The following DNAH8 variants were observed in gnomAD, a reference collection of about 807,000 sequenced individuals.
DNAH8 encodes the protein dynein axonemal heavy chain 8, also known as axonemal beta dynein heavy chain 8.
In DNAH8, 382 loss-of-function variants were observed where a neutral mutation model predicts 562.1. The observed-to-expected ratio is 0.68, with a 90% CI of 0.63 to 0.74. DNAH8 has a LOEUF of 0.74. Ranked by LOEUF, DNAH8 falls within the 30% of genes least tolerant of loss-of-function variation. The probability of loss-of-function intolerance (pLI) is 0.00; values close to 1 mark genes in which losing one functional copy is unlikely to be tolerated. For synonymous variants in DNAH8, 1,881 were observed against 1,919.4 expected (o/e 0.98, Z 0.52); for missense variants, 5,203 against 5,620.4 (o/e 0.93, Z 2.37).
At chr6:38,803,157 T>C (rs1185224966) in intron 21 of DNAH8, 22 bp from the exon 22 acceptor site, 2 of 1,531,932 alleles carry the variant, frequency 1.3e-6, no homozygotes, top group Non-Finnish European at 1.8e-6. Context: ...TGGAAAATAA[T>C]AGTCATTTCT....
At chr6:38,798,609 A>G (rs925683812) in intron 21 of DNAH8, among the ~76,000 whole-genome samples, 2 of 152,232 alleles carry the variant, frequency 1.3e-5, no homozygotes, top group South Asian at 2.1e-4. Flanking sequence ...GACACAGGAC[A>G]TCTGTGCAGT....
At chr6:38,735,347 A>C (rs926606757) in intron 5 of DNAH8, among the ~76,000 whole-genome samples, 2 of 152,204 alleles carry the variant, frequency 1.3e-5, no homozygotes, top group Admixed American at 1.3e-4. Context: ...CTGTTATGAT[A>C]AAAGATTGCT....
intron 20 of DNAH8, among the ~76,000 whole-genome samples, chr6:38,790,942 T>G (rs959239801): frequency 2.0e-5 from 3 of 152,200 alleles, no homozygotes; most frequent in African/African-American, 7.2e-5. Context: ...AAATGATGGT[T>G]CAACTTCACA....
Position 38,929,689 on chromosome 6 carries a change from A to AAAG in DNAH8, c.11274+25_11274+26insGAA, listed in dbSNP as rs764087315. On this transcript the variant is annotated intron_variant, in intron 75 of 92. Transcript: ENST00000327475. The stretch of plus-strand genomic sequence containing the variant: ...AAGGTGAGCTTTGTAAAAAAAAAAA[A>AAAG]AAAGAAAGAAAGAAAGAAAAGAAAA... 1.3e-5 allele frequency: 19 copies of AAAG among 1,497,250 alleles called. No homozygotes were observed. The Admixed American group carries it at 3.0e-4, about 24-fold the overall frequency. 92.7% of individuals were successfully genotyped at this position (1,497,250 alleles called of 1,614,324 possible).
chr6:38,896,210 C>T lies in DNAH8; in HGVS notation c.8925C>T (p.Pro2975=). The T allele has an allele frequency of 6.2e-7, 1 of 1,613,098 alleles. No individual in the cohort carries two copies. Among genetic ancestry groups the T allele is most frequent in the East Asian group, 2.2e-5 (1 of 44,848 alleles). ...DEPEDSVFEV[P]KIYELMPSFD... ...CTGAAGACTCTGTGTTTGAAGTACC[C>T]AAAATATATGAATTGGTATTTATTT... Residue 2975 remains proline (P), a synonymous_variant, in exon 60 of 93, where the codon CCC becomes CCT. Transcript: ENST00000327475.
chr6:38,828,738 A>T (rs1307580232), intron 30 of DNAH8, among the ~76,000 whole-genome samples: 1 of 152,222 alleles, frequency 6.6e-6, no homozygotes. Flanking sequence ...ATTGAGATAG[A>T]ATACACATAC....
intron 12 of DNAH8, among the ~76,000 whole-genome samples, chr6:38,771,085 A>C (rs1016132273): frequency 6.6e-6 from 1 of 152,196 alleles, no homozygotes; most frequent in Non-Finnish European, 1.5e-5. Flanking sequence ...CCCATATCAG[A>C]GACTTCTTGG....
intron 88 of DNAH8, among the ~76,000 whole-genome samples, chr6:38,993,502 G>A (rs9394566): frequency 0.14 from 21,923 of 152,064 alleles, 2,129 homozygotes; most frequent in East Asian, 0.51. Context: ...TGGTTCAAAA[G>A]TTACAACTTT....
At chr6:38,816,374 A>G (rs928081570) in intron 26 of DNAH8, among the ~76,000 whole-genome samples, 1 of 152,174 alleles carries the variant, frequency 6.6e-6, no homozygotes, top group African/African-American at 2.4e-5. Context: ...GCCAAGGATA[A>G]TGGCTTCCGG....
intron 29 of DNAH8, 23 bp downstream of exon 29, chr6:38,826,414 T>G: frequency 6.8e-7 from 1 of 1,478,360 alleles, no homozygotes; most frequent in Non-Finnish European, 9.3e-7. Flanking sequence ...TGCATTTTTT[T>G]TTCTTGGAAT....
At chr6:38,741,631 C>A in intron 7 of DNAH8, 80 bp from the exon 8 acceptor site, 1 of 1,208,542 alleles carries the variant, frequency 8.3e-7, no homozygotes, top group Non-Finnish European at 1.1e-6. Flanking sequence ...ATACTTTCAG[C>A]TGCCTTCAAA....
chr6:38,883,039 C>A lies in DNAH8; in HGVS notation c.7988C>A (p.Ala2663Glu). 6.3e-7 allele frequency: 1 copy of A among 1,594,490 alleles called. No homozygotes were observed. Among genetic ancestry groups the A allele is most frequent in the Non-Finnish European group, 8.5e-7 (1 of 1,173,614 alleles). Residue 2663 changes from alanine to glutamate, a missense_variant, in exon 54 of 93, where the codon GCA becomes GAA. This residue lies in a region of DNAH8 where 977 missense variants were observed against 1,061.8 expected (regional missense o/e 0.92). Coordinates refer to ENST00000327475, the MANE Select transcript of DNAH8 (RefSeq NM_001206927.2). ...IRTNFLIDTI[A>E]KQHKAVLLTG... is the part of the protein sequence containing the mutation. ...ACAAATTTTTTGATAGACACCATTG[C>A]AAAACAACATAAAGTAAGTTTAATA...
At chr6:38,894,423 C>T (rs1779542201) in intron 58 of DNAH8, among the ~76,000 whole-genome samples, 3 of 152,162 alleles carry the variant, frequency 2.0e-5, no homozygotes, top group Admixed American at 2.0e-4. Context: ...GTGACTTGTT[C>T]AAAGCCAACT....
chr6:38,744,921 G>A (rs1764807659), intron 8 of DNAH8, among the ~76,000 whole-genome samples: 1 of 152,022 alleles, frequency 6.6e-6, no homozygotes, highest in Non-Finnish European at 1.5e-5. Context: ...TATATAATAT[G>A]GATATTAATC....
Position 38,956,964 on chromosome 6 carries a change from T to C in DNAH8, c.12451+5444T>C, listed in dbSNP as rs117671264. On this transcript the variant is annotated intron_variant, in intron 82 of 92. Transcript: ENST00000327475. ...ACAATTACCTTGAATGTAAATGGAT[T>C]AAAATCTACGATTAAGAGACACAGA... Among the ~76,000 whole-genome samples the C allele has an allele frequency of 3.9e-5, 6 of 152,344 alleles. No individual in the cohort carries two copies. In the East Asian group the frequency reaches 1.2e-3, roughly 29 times the overall value.
At position 38,898,316 on chromosome 6, in the gene DNAH8, A is replaced by T; in HGVS notation, c.8999A>T (p.Glu3000Val). The change falls in exon 61 of 93, where the codon GAA becomes GTA. Residue 3000 changes from glutamate (E) to valine (V), a missense_variant. Physicochemically the swap from Glu to Val is moderately radical, Grantham distance 121. This residue lies in a region of DNAH8 where 977 missense variants were observed against 1,061.8 expected (regional missense o/e 0.92). Transcript: ENST00000327475. Reference protein sequence around the residue: ...KLQFYQRQFNEIIRGTSLDLV... With the variant: ...KLQFYQRQFNVIIRGTSLDLV... The stretch of plus-strand genomic sequence containing the variant: ...CAGTTTTACCAGAGACAGTTCAATG[A>T]AATCATTAGAGGAACATCTCTTGAT... 6.3e-7 allele frequency: 1 copy of T among 1,590,440 alleles called. No individual in the cohort carries two copies. Among genetic ancestry groups the T allele is most frequent in the Non-Finnish European group, 8.5e-7 (1 of 1,172,346 alleles).
chr6:38,982,756 C>A (rs755683070), intron 86 of DNAH8, among the ~76,000 whole-genome samples: 6 of 152,236 alleles, frequency 3.9e-5, no homozygotes, highest in Non-Finnish European at 7.3e-5. Flanking sequence ...TCAAGCTTCT[C>A]CTCACTGGTC....
At chr6:38,870,782 G>A (rs1777411993) in intron 49 of DNAH8, among the ~76,000 whole-genome samples, 1 of 152,152 alleles carries the variant, frequency 6.6e-6, no homozygotes, top group Admixed American at 6.6e-5. Flanking sequence ...ATTTACTGCA[G>A]TTTTTACTTA....
chr6:38,803,383 AG>A, intron 22 of DNAH8, 72 bp downstream of exon 22: 3 of 1,218,814 alleles, frequency 2.5e-6, no homozygotes, highest in Non-Finnish European at 3.5e-6. Context: ...CCTTCTGCTT[AG>A]CAGGTACTGA....
Sources: gnomAD v4.1 joint callset for allele counts (sites outside exome capture counted in the v4.1 genomes callset) on GRCh38, gnomAD v4.1.1 for gene constraint, gnomAD v4.1.1 regional missense constraint, MANE v1.5 for transcripts, NCBI Gene and HGNC (gene_info 2026-07-23, HGNC 2026-07-21) for gene names.